Variants in KCTD1 observed in about 807,000 individuals in gnomAD.
The protein encoded by KCTD1 is potassium channel tetramerization domain containing 1, also known as BTB/POZ domain-containing protein KCTD1.
In KCTD1, 24 loss-of-function variants were observed where a neutral mutation model predicts 66.0. That is an observed-to-expected ratio of 0.36 (90% CI 0.26 to 0.51). The LOEUF is 0.51. KCTD1 is among the 20% of genes least tolerant of loss of function. The pLI is 0.95. For missense variants in KCTD1, 943 were observed against 1,205.2 expected (o/e 0.78, Z 3.22); for synonymous variants, 511 against 517.2 (o/e 0.99, Z 0.16).
intron 1 of KCTD1, among the ~76,000 whole-genome samples, chr18:26,510,769 A>C (rs1983291538): frequency 6.6e-6 from 1 of 152,242 alleles, no homozygotes; most frequent in African/African-American, 2.4e-5. Context: ...AATACACTTA[A>C]AACACTAGAG....
intron 1 of KCTD1, among the ~76,000 whole-genome samples, chr18:26,578,080 A>T (rs1986271924): frequency 8.5e-6 from 1 of 117,102 alleles, no homozygotes; most frequent in Non-Finnish European, 1.7e-5. Flanking sequence ...TTTTTTTGAC[A>T]GAGTCTTGCT....
Position 26,455,825 on chromosome 18 carries a change from C to T in KCTD1, c.2516G>A (p.Ser839Asn), listed in dbSNP as rs1178809827. ...CGGGVDSSQFSEYVLRRELRR... is the reference protein window; with the variant it reads ...CGGGVDSSQFNEYVLRRELRR... ...CAGTTCCCGCCGAAGGACGTATTCG[C>T]TGAACTGGGACGAGTCTACTCCTCC... The change falls in exon 5 of 5, where the codon AGC becomes AAC. Residue 839 changes from serine (S) to asparagine (N), a missense_variant. This residue lies in a region of KCTD1 where 162 missense variants were observed against 232.4 expected (regional missense o/e 0.70). Coordinates refer to ENST00000580059, the MANE Select transcript of KCTD1 (RefSeq NM_001142730.3). 3 of 1,614,196 alleles carry T rather than the reference C, an allele frequency of 1.9e-6. No individual in the cohort carries two copies. In the Admixed American group the frequency reaches 5.0e-5, roughly 27 times the overall value.
intron 1 of KCTD1, among the ~76,000 whole-genome samples, chr18:26,518,785 C>T (rs1983782062): frequency 6.6e-6 from 1 of 151,980 alleles, no homozygotes; most frequent in Admixed American, 6.5e-5. Context: ...TCAAGTGATC[C>T]TCCCACTTCA....
At chr18:26,552,613 T>G (rs148759462), upstream of KCTD1, among the ~76,000 whole-genome samples, 685 of 152,388 alleles carry the variant, frequency 4.5e-3, 5 homozygotes, top group African/African-American at 0.014. Context: ...GGATGAATAT[T>G]TCCTTATCAT....
chr18:26,500,232 A>G (rs1172796571), intron 2 of KCTD1, among the ~76,000 whole-genome samples: 2 of 151,888 alleles, frequency 1.3e-5, no homozygotes, highest in Non-Finnish European at 2.9e-5. Context: ...CCTAGGGAAC[A>G]CAGTCTGACC....
Position 26,459,739 on chromosome 18 carries a change from C to T in KCTD1, c.2320G>A (p.Glu774Lys), listed in dbSNP as rs771507272. Reference protein sequence around the residue: ...TLSGDKSLIEEVFPEIGDVMC... With the variant: ...TLSGDKSLIEKVFPEIGDVMC... ...ACGTCGCCGATCTCTGGAAATACTT[C>T]TTCTATCAAGGATTTGTCACCGCTT... is the stretch of plus-strand genomic sequence containing the variant. The change falls in exon 4 of 5, where the codon GAA becomes AAA. Residue 774 changes from glutamate (E) to lysine (K), a missense_variant. Around this residue, in one of 10 missense-constraint regions of KCTD1, gnomAD observed 162 missense variants for 232.4 expected, o/e 0.70. Coordinates refer to ENST00000580059, the MANE Select transcript of KCTD1 (RefSeq NM_001142730.3). 4.3e-6 allele frequency: 7 copies of T among 1,614,160 alleles called. No homozygotes were observed. Among genetic ancestry groups the T allele is most frequent in the African/African-American group, 1.3e-5 (1 of 75,034 alleles).
chr18:26,593,728 AAAGATGAGGAGGAG>A (rs1986695638), intron 1 of KCTD1, among the ~76,000 whole-genome samples: 12 of 68,340 alleles, frequency 1.8e-4, no homozygotes, highest in Non-Finnish European at 2.8e-4. Flanking sequence ...GGAGGAGGAG[AAAGATGAGGAGGAG>A]GAAGACAAGG....
intron 1 of KCTD1, among the ~76,000 whole-genome samples, chr18:26,603,515 C>T (rs1423717715): frequency 2.6e-5 from 4 of 151,090 alleles, no homozygotes; most frequent in Admixed American, 6.6e-5. Context: ...CCGAGGTGGG[C>T]GGATCACCTG....
At chr18:26,543,192 G>A (rs575308195) in intron 1 of KCTD1, 11 of 152,148 alleles carry the variant, frequency 7.2e-5, no homozygotes, top group Admixed American at 2.0e-4. Context: ...TCATAAAGGA[G>A]AGCAAACATT....
chr18:26,475,791 G>A (rs1291748474), intron 3 of KCTD1, among the ~76,000 whole-genome samples: 1 of 152,152 alleles, frequency 6.6e-6, no homozygotes, highest in Non-Finnish European at 1.5e-5. Flanking sequence ...GGCAGAGGTT[G>A]CGGTGAGCCA....
upstream of KCTD1, among the ~76,000 whole-genome samples, chr18:26,551,335 C>T (rs1029766247): frequency 1.6e-4 from 24 of 152,156 alleles, no homozygotes; most frequent in Non-Finnish European, 2.9e-4. Context: ...AAACCCCAAG[C>T]GCAAATAACT....
At chr18:26,509,991 C>G (rs560115052) in intron 1 of KCTD1, among the ~76,000 whole-genome samples, 1 of 152,338 alleles carries the variant, frequency 6.6e-6, no homozygotes, top group Non-Finnish European at 1.5e-5. Flanking sequence ...AACAGAGCGT[C>G]TGGCATTTAG....
chr18:26,599,727 A>T (rs1161713486), intron 1 of KCTD1: 1 of 1,561,474 alleles, frequency 6.4e-7, no homozygotes, highest in African/African-American at 1.4e-5. Flanking sequence ...AACAATAGCA[A>T]AGTGAAGACA....
At chr18:26,637,286 G>C (rs550961516) in intron 1 of KCTD1, among the ~76,000 whole-genome samples, 9 of 152,212 alleles carry the variant, frequency 5.9e-5, no homozygotes, top group African/African-American at 2.2e-4. Flanking sequence ...TCTGAACCCC[G>C]GGCCAGATTT....
At chr18:26,622,770 G>A (rs1987414221) in intron 1 of KCTD1, among the ~76,000 whole-genome samples, 1 of 152,102 alleles carries the variant, frequency 6.6e-6, no homozygotes. Flanking sequence ...GTAGAGAGGG[G>A]GTGGCGGAAG....
upstream of KCTD1, among the ~76,000 whole-genome samples, chr18:26,643,779 G>A (rs967334646): frequency 1.6e-4 from 25 of 152,314 alleles, no homozygotes; most frequent in East Asian, 9.7e-4. Context: ...TGGCTAACAC[G>A]ATGAAACCCT....
chr18:26,534,328 AC>A (rs1358871131), intron 1 of KCTD1, among the ~76,000 whole-genome samples: 1 of 152,134 alleles, frequency 6.6e-6, no homozygotes, highest in African/African-American at 2.4e-5. Flanking sequence ...GTCACATAGT[AC>A]CTATACCTAT....
At chr18:26,550,565 GACACACACACACACACACACACAC>G, upstream of KCTD1, among the ~76,000 whole-genome samples, 1 of 140,582 alleles carries the variant, frequency 7.1e-6, no homozygotes, top group East Asian at 2.2e-4. This position sits in a 1 kb window ranked among gnomAD's most constrained non-coding sequence, Gnocchi z 5.4. Context: ...AAGACACACA[GACACACACACACACACACACACAC>G]ACACACACAC....
intron 1 of KCTD1, among the ~76,000 whole-genome samples, chr18:26,531,857 C>A (rs776703900): frequency 6.6e-6 from 1 of 152,200 alleles, no homozygotes; most frequent in Non-Finnish European, 1.5e-5. Context: ...GCTAATCCCA[C>A]GATTCTTTAG....
Sources: gnomAD v4.1 joint callset for allele counts (sites outside exome capture counted in the v4.1 genomes callset) on GRCh38, gnomAD v4.1.1 for gene constraint, gnomAD v4.1.1 regional missense constraint, Gnocchi (gnomAD v3.1) non-coding constraint, MANE v1.5 for transcripts, NCBI Gene and HGNC (gene_info 2026-07-23, HGNC 2026-07-21) for gene names.